SLC9A7: variants seen among roughly 807,000 people sequenced by gnomAD.
SLC9A7 encodes sodium/hydrogen exchanger 7.
A neutral mutation model predicts 52.6 loss-of-function variants in SLC9A7; 19 were observed. The observed-to-expected ratio is 0.36, with a 90% CI of 0.25 to 0.53. SLC9A7 has a LOEUF of 0.53. Among genes scored for constraint, SLC9A7 ranks in the 20% least tolerant of loss-of-function variants. The pLI is 0.91. For missense variants in SLC9A7, 455 were observed against 597.9 expected, an observed-to-expected ratio of 0.76 and a Z score of 2.49; for synonymous variants, 226 against 252.1, an observed-to-expected ratio of 0.90 and a Z score of 0.98.
intron 5 of SLC9A7, among the ~76,000 whole-genome samples, chrX:46,664,092 G>A (rs756266949): frequency 5.0e-4 from 56 of 111,805 alleles, no homozygotes; most frequent in Admixed American, 8.5e-4. Context: ...GAGAACCACC[G>A]ATCTAGATAC....
chrX:46,747,875 A>T lies in SLC9A7; in HGVS notation c.325+10830T>A, dbSNP rs753022962. Among the ~76,000 whole-genome samples, 19 of 112,116 alleles carry T rather than the reference A, an allele frequency of 1.7e-4. 1 individual carries two copies. In the East Asian group the frequency reaches 5.3e-3, roughly 31 times the overall value. On this transcript the variant is annotated intron_variant, in intron 1 of 16. Coordinates refer to ENST00000616978, the MANE Select transcript of SLC9A7 (RefSeq NM_001257291.2). ...ACTAGGGTGGCTATCATTTTTTTTT[A>T]AATGGAAAACAACAAGTGTTGAAGA... is the stretch of plus-strand genomic sequence containing the variant.
Position 46,607,157 on chromosome X carries a change from T to C in SLC9A7, c.1976A>G (p.Glu659Gly), listed in dbSNP as rs1473673004. The C allele has an allele frequency of 3.3e-6, 4 of 1,210,921 alleles. No homozygotes were observed. Residue 659 changes from glutamate to glycine, a missense_variant, in exon 17 of 17, where the codon GAA becomes GGA. This residue lies in a region of SLC9A7 where 146 missense variants were observed against 160.5 expected (regional missense o/e 0.91). Transcript: ENST00000616978. ...REEDSDFILT[E>G]GDLTLTYGDS... ...CCCGTAGGTCAATGTCAGGTCGCCT[T>C]CGGTCAGGATGAAATCAGAGTCTTC...
intron 3 of SLC9A7, among the ~76,000 whole-genome samples, chrX:46,672,862 G>A (rs1174143447): frequency 1.8e-5 from 2 of 112,299 alleles, no homozygotes; most frequent in East Asian, 2.8e-4. Flanking sequence ...TAAATTTTCA[G>A]ACAAAACTGC....
chrX:46,753,847 A>G (rs781879548), intron 1 of SLC9A7, among the ~76,000 whole-genome samples: 4,552 of 109,797 alleles, frequency 0.041, 221 homozygotes, highest in African/African-American at 0.14. Context: ...TTAGCCGGGC[A>G]TGGTGGCGGG....
At chrX:46,678,412 T>TTTTTTTTATTTA (rs1556148043) in intron 3 of SLC9A7, among the ~76,000 whole-genome samples, 146 of 91,000 alleles carry the variant, frequency 1.6e-3, no homozygotes, top group South Asian at 0.014. Context: ...TGGCATTTGT[T>TTTTTTTTATTTA]TTTATTTATT....
At chrX:46,740,954 G>A in intron 1 of SLC9A7, among the ~76,000 whole-genome samples, 1 of 108,178 alleles carries the variant, frequency 9.2e-6, no homozygotes, top group African/African-American at 3.3e-5. Flanking sequence ...TGAGGTTACA[G>A]GATACAAGAC....
intron 3 of SLC9A7, among the ~76,000 whole-genome samples, chrX:46,677,799 T>C (rs1328919491): frequency 8.9e-6 from 1 of 112,087 alleles, no homozygotes. Flanking sequence ...GTATTATTTC[T>C]TCCATAAATG....
At chrX:46,692,377 CA>C (rs1446441762) in intron 1 of SLC9A7, among the ~76,000 whole-genome samples, 1 of 111,140 alleles carries the variant, frequency 9.0e-6, no homozygotes, top group Non-Finnish European at 1.9e-5. Flanking sequence ...AAGCCCACCA[CA>C]AACAGAACCA....
chrX:46,622,241 C>T (rs1376814061), intron 14 of SLC9A7, among the ~76,000 whole-genome samples: 1 of 110,870 alleles, frequency 9.0e-6, no homozygotes, highest in Non-Finnish European at 1.9e-5. Context: ...AAGGAGAGAC[C>T]CCAGAGACCA....
At chrX:46,623,413 T>C (rs1192580658) in intron 14 of SLC9A7, among the ~76,000 whole-genome samples, 1 of 111,881 alleles carries the variant, frequency 8.9e-6, no homozygotes, top group Admixed American at 9.4e-5. Flanking sequence ...TTCTAGGGCC[T>C]GGAGCATTCT....
chrX:46,742,420 C>T (rs1435112624), intron 1 of SLC9A7, among the ~76,000 whole-genome samples: 1 of 107,841 alleles, frequency 9.3e-6, no homozygotes, highest in East Asian at 2.8e-4. Context: ...TGGAATCCCA[C>T]AGAGAAAAAA....
chrX:46,620,981 G>A lies in SLC9A7; in HGVS notation c.1819C>T (p.His607Tyr), dbSNP rs762063025. The change falls in exon 15 of 17, where the codon CAC becomes TAC. Residue 607 changes from histidine to tyrosine, a missense_variant. By Grantham distance (83) the His-to-Tyr change is moderately conservative (BLOSUM62 2). Around this residue, in one of 3 missense-constraint regions of SLC9A7, gnomAD observed 146 missense variants for 160.5 expected, o/e 0.91. Transcript: ENST00000616978. ...WIFRLWYSFDHNYLKPILTHS... is the reference protein window; with the variant it reads ...WIFRLWYSFDYNYLKPILTHS... Reference sequence around the variant, plus strand: ...GGATGCTACTTAAAAGGATACTTGTGATCAAAGCTGTACCACAGCCTGAAT... The same window carrying A: ...GGATGCTACTTAAAAGGATACTTGTAATCAAAGCTGTACCACAGCCTGAAT... The A allele has an allele frequency of 1.7e-6, 2 of 1,195,073 alleles. No individual in the cohort carries two copies. Among genetic ancestry groups the A allele is most frequent in the South Asian group, 3.6e-5 (2 of 55,373 alleles).
At chrX:46,673,472 G>A (rs766640656) in intron 3 of SLC9A7, among the ~76,000 whole-genome samples, 2 of 111,721 alleles carry the variant, frequency 1.8e-5, no homozygotes, top group South Asian at 7.4e-4. Context: ...AGGAAATTCT[G>A]CCTGTTCTTG....
chrX:46,676,635 T>C (rs1464886793), intron 3 of SLC9A7, among the ~76,000 whole-genome samples: 1 of 112,169 alleles, frequency 8.9e-6, no homozygotes, highest in African/African-American at 3.2e-5. Context: ...AGATTAGTTA[T>C]GTAAAATATC....
chrX:46,679,025 C>T (rs1327016315), intron 3 of SLC9A7, among the ~76,000 whole-genome samples: 1 of 111,429 alleles, frequency 9.0e-6, no homozygotes, highest in African/African-American at 3.3e-5. Context: ...TAAGCACCCC[C>T]ACCCCAATGC....
chrX:46,716,962 C>T (rs776344583), intron 1 of SLC9A7, among the ~76,000 whole-genome samples: 5 of 111,983 alleles, frequency 4.5e-5, no homozygotes, highest in Non-Finnish European at 9.4e-5. Context: ...AGCCCTACTT[C>T]TCCATTGTGG....
chrX:46,713,935 T>C (rs1944729712), intron 1 of SLC9A7, among the ~76,000 whole-genome samples: 1 of 110,501 alleles, frequency 9.0e-6, no homozygotes, highest in African/African-American at 3.3e-5. Flanking sequence ...TCATTTTTAC[T>C]CACAGTTGGT....
At chrX:46,690,424 A>T (rs1375154899) in intron 1 of SLC9A7, among the ~76,000 whole-genome samples, 1 of 112,293 alleles carries the variant, frequency 8.9e-6, no homozygotes, top group East Asian at 2.8e-4. Flanking sequence ...GCCCATTTTA[A>T]AAACTGGGTT....
intron 1 of SLC9A7, among the ~76,000 whole-genome samples, chrX:46,695,782 T>C (rs1345791607): frequency 1.8e-5 from 2 of 110,157 alleles, no homozygotes; most frequent in East Asian, 2.9e-4. Flanking sequence ...TGGAAGTGCC[T>C]GGCATACTAG....
Sources: gnomAD v4.1 joint callset for allele counts (sites outside exome capture counted in the v4.1 genomes callset) on GRCh38, gnomAD v4.1.1 for gene constraint, gnomAD v4.1.1 regional missense constraint, MANE v1.5 for transcripts, NCBI Gene and HGNC (gene_info 2026-07-23, HGNC 2026-07-21) for gene names.